EEF1D: variants seen among roughly 807,000 people sequenced by gnomAD.
EEF1D encodes the protein elongation factor 1-delta.
Under a neutral mutation model 63.9 loss-of-function variants are expected in EEF1D, and 47 were observed. The ratio of observed to expected loss-of-function variants is 0.74; its 90% CI spans 0.58 to 0.94. The LOEUF is 0.94. Among genes scored for constraint, EEF1D ranks in the 40% least tolerant of loss-of-function variants. The probability of loss-of-function intolerance (pLI) is 0.00; values close to 1 mark genes in which losing one functional copy is unlikely to be tolerated. For synonymous variants in EEF1D, 412 were observed against 386.1 expected (o/e 1.07, Z -0.79); for missense variants, 907 against 899.0 (o/e 1.01, Z -0.11).
intron 1 of EEF1D, among the ~76,000 whole-genome samples, chr8:143,594,676 A>G (rs1828503895): frequency 1.3e-5 from 2 of 152,216 alleles, no homozygotes; most frequent in South Asian, 4.1e-4. Flanking sequence ...CCACCGGCTC[A>G]GCCTGTGCAC....
chr8:143,592,161 G>A, intron 2 of EEF1D: 1 of 985,528 alleles, frequency 1.0e-6, no homozygotes, highest in Non-Finnish European at 1.2e-6. Flanking sequence ...CCAGGAGACA[G>A]GGCATTGTGA....
chr8:143,595,017 T>C (rs1262695812), intron 1 of EEF1D, among the ~76,000 whole-genome samples: 2 of 152,130 alleles, frequency 1.3e-5, no homozygotes, highest in African/African-American at 4.8e-5. Flanking sequence ...GCGATTCTCC[T>C]GCCTCAGCCT....
chr8:143,589,987 G>A lies in EEF1D; in HGVS notation c.95C>T (p.Ala32Val). 6.3e-7 allele frequency: 1 copy of A among 1,599,468 alleles called. No homozygotes were observed. The highest frequency in any genetic ancestry group is 8.5e-7 in the Non-Finnish European group (1 of 1,179,714). ...CTGGGCGGAGGCGGCCGCCTGTGTG[G>A]CCTCGTGTTCGTAGAAGCGCCGCTC... ...EAERRFYEHE[A>V]TQAAASAQQL... The change falls in exon 3 of 10, where the codon GCC (alanine) becomes GTC (valine). Residue 32 changes from alanine to valine, a missense_variant. Transcript: ENST00000618139.
At chr8:143,588,891 C>T in intron 3 of EEF1D, 100 bp downstream of exon 3, 2 of 1,453,296 alleles carry the variant, frequency 1.4e-6, no homozygotes, top group Non-Finnish European at 1.8e-6. Flanking sequence ...AGCCCCCACC[C>T]CAGGTGGGCA....
At chr8:143,592,097 G>A in intron 2 of EEF1D, 2 of 985,548 alleles carry the variant, frequency 2.0e-6, no homozygotes, top group Non-Finnish European at 2.4e-6. Context: ...ACCAAGGCCA[G>A]GCTGATGGGC....
At chr8:143,588,938 T>G (rs960888597) in intron 3 of EEF1D, 53 bp downstream of exon 3, 2 of 1,544,946 alleles carry the variant, frequency 1.3e-6, no homozygotes, top group Middle Eastern at 2.3e-4. Context: ...CTGGGATGGC[T>G]GTCCCTGTGC....
chr8:143,586,578 G>A (rs916281162), intron 4 of EEF1D, 151 bp downstream of exon 4: 11 of 1,189,504 alleles, frequency 9.2e-6, no homozygotes, highest in Non-Finnish European at 1.3e-5. Context: ...GGCCAAGGCC[G>A]CCTGCCCCGA....
intron 2 of EEF1D, among the ~76,000 whole-genome samples, chr8:143,591,551 C>T (rs1315807819): frequency 1.3e-5 from 2 of 152,238 alleles, no homozygotes; most frequent in Non-Finnish European, 2.9e-5. Flanking sequence ...AGCAGAAACG[C>T]CTGGGCCTAA....
chr8:143,580,041 C>T lies in EEF1D; in HGVS notation c.1876G>A (p.Glu626Lys). The T allele has an allele frequency of 1.2e-6, 2 of 1,613,946 alleles. No individual in the cohort carries two copies. Among genetic ancestry groups the T allele is most frequent in the South Asian group, 1.1e-5 (1 of 91,076 alleles). The change falls in exon 9 of 10, where the codon GAG becomes AAG. Residue 626 changes from glutamate to lysine, a missense_variant. Coordinates refer to ENST00000618139, the MANE Select transcript of EEF1D (RefSeq NM_001130053.5). Reference sequence around the variant, plus strand: ...TCCTCAAACTTGGTGATCTCCTCCTCCAGCAAGTCTGTCCCCACCTTGTCG... The same window carrying T: ...TCCTCAAACTTGGTGATCTCCTCCTTCAGCAAGTCTGTCCCCACCTTGTCG... Reference protein sequence around the residue: ...EDDKVGTDLLEEEITKFEEHV... With the variant: ...EDDKVGTDLLKEEITKFEEHV...
intron 1 of EEF1D, chr8:143,596,831 G>T (rs944255284): frequency 6.6e-6 from 1 of 152,278 alleles, no homozygotes; most frequent in Non-Finnish European, 1.5e-5. Context: ...TCAAGAGACA[G>T]AAATTTTGAC....
In EEF1D at chr8:143,581,260, A is replaced by G. The variant is rs749109504; in HGVS notation, c.1356T>C (p.Ser452=). 6.2e-7 allele frequency: 1 copy of G among 1,612,700 alleles called. No individual in the cohort carries two copies. The highest frequency in any genetic ancestry group is 8.5e-7 in the Non-Finnish European group (1 of 1,179,990). The change falls in exon 6 of 10, where the codon AGT becomes AGC. Residue 452 remains serine, a synonymous_variant. Coordinates refer to ENST00000618139, the MANE Select transcript of EEF1D (RefSeq NM_001130053.5). ...DHGELVVRIA[S]LEVENQSLRG... Reference sequence around the variant, plus strand: ...GCAGACTCTGGTTCTCCACTTCCAGACTGGCAATCCGGACGACGAGCTCAC... The same window carrying G: ...GCAGACTCTGGTTCTCCACTTCCAGGCTGGCAATCCGGACGACGAGCTCAC...
intron 4 of EEF1D, 126 bp downstream of exon 4, chr8:143,586,603 C>G: frequency 7.3e-7 from 1 of 1,377,406 alleles, no homozygotes; most frequent in Non-Finnish European, 9.8e-7. Context: ...CCACTCCCAG[C>G]ACCCACAGCA....
rs139903179 is a variant in EEF1D at position 143,586,225 on chromosome 8, C to T, written c.1281G>A (p.Leu427=). The part of the protein sequence containing the change: ...ARARENIQKS[L]AGSSGPGASS... The stretch of plus-strand genomic sequence containing the variant: ...GTGGGCCGCGGGTACTCACTCCAGC[C>T]AGGGATTTCTGGATGTTCTCTCTGG... The change falls in exon 5 of 10, where the codon CTG becomes CTA. Residue 427 remains leucine (L), a synonymous_variant. Transcript: ENST00000618139. 161 of 1,609,468 alleles carry T rather than the reference C, an allele frequency of 1.0e-4. No homozygotes were observed. The highest frequency in any genetic ancestry group is 2.2e-4 in the Middle Eastern group (1 of 4,448).
At chr8:143,591,517 C>T (rs1467987956) in intron 2 of EEF1D, among the ~76,000 whole-genome samples, 4 of 152,380 alleles carry the variant, frequency 2.6e-5, no homozygotes, top group Non-Finnish European at 4.4e-5. Flanking sequence ...CAGCCATGCC[C>T]GACTCCAGGC....
At chr8:143,592,582 G>A in intron 2 of EEF1D, 65 bp downstream of exon 2, 1 of 982,936 alleles carries the variant, frequency 1.0e-6, no homozygotes, top group African/African-American at 1.7e-5. Context: ...CTCAGGTGCA[G>A]CGAGGGCTGG....
chr8:143,580,393 G>A (rs573749498), intron 8 of EEF1D, 113 bp downstream of exon 8: 29 of 1,353,498 alleles, frequency 2.1e-5, no homozygotes, highest in Middle Eastern at 2.6e-4. Context: ...TTCTAAACTC[G>A]GCTTTAAAGT....
At position 143,586,269 on chromosome 8, in the gene EEF1D, G is replaced by A; in HGVS notation, c.1237C>T (p.Leu413Phe). The change falls in exon 5 of 10, where the codon CTC becomes TTC. Residue 413 changes from leucine to phenylalanine, a missense_variant. Transcript: ENST00000618139. ...SRQENGASVI[L>F]RDIARARENI... ...TCTCTGGCTCTCGCAATGTCACGGA[G>A]GATCACGCTGGCGCCGTTCTCCTGC... 1 of 1,607,958 alleles carries A rather than the reference G, an allele frequency of 6.2e-7. No homozygotes were observed. The highest frequency in any genetic ancestry group is 2.2e-5 in the East Asian group (1 of 44,742).
intron 3 of EEF1D, 126 bp downstream of exon 3, chr8:143,588,865 C>G (rs994924129): frequency 2.3e-5 from 30 of 1,293,816 alleles, no homozygotes; most frequent in Middle Eastern, 2.7e-4. Context: ...CTCTGCTGGG[C>G]CCACGGGTCT....
Position 143,587,729 on chromosome 8 carries a change from C to T in EEF1D, c.1092-877G>A, listed in dbSNP as rs965826403. 2.6e-5 allele frequency among the ~76,000 whole-genome samples: 4 copies of T among 152,374 alleles called. No homozygotes were observed. The East Asian group carries it at 7.7e-4, about 29-fold the overall frequency. On this transcript the variant is annotated intron_variant, in intron 3 of 9. Transcript: ENST00000618139. Reference sequence around the variant, plus strand: ...GAAGGTTGAGAATTGCTGCCCTAGACAGGGACCATGGCCCGCAGGCAAATC... The same window carrying T: ...GAAGGTTGAGAATTGCTGCCCTAGATAGGGACCATGGCCCGCAGGCAAATC...
Sources: allele counts gnomAD v4.1 joint callset (sites outside exome capture counted in the v4.1 genomes callset), GRCh38; gene constraint gnomAD v4.1.1; transcripts MANE v1.5; gene names NCBI Gene and HGNC (gene_info 2026-07-23, HGNC 2026-07-21).